SCOC: variants seen among roughly 807,000 people sequenced by gnomAD.
SCOC encodes short coiled coil protein.
In SCOC, 7 loss-of-function variants were observed where a neutral mutation model predicts 9.9. That is an observed-to-expected ratio of 0.71 (90% CI 0.40 to 1.33). The LOEUF (loss-of-function observed/expected upper bound fraction) is 1.33. SCOC is among the 40% of genes most tolerant of loss of function. The pLI, the probability that SCOC is intolerant of heterozygous loss-of-function variation, is 0.01. For missense variants in SCOC, 66 were observed against 89.7 expected (o/e 0.74, Z 1.07); for synonymous variants, 19 against 28.2 (o/e 0.67, Z 1.03).
At chr4:140,279,666 C>A (rs1731057217) in intron 1 of SCOC, among the ~76,000 whole-genome samples, 2 of 152,212 alleles carry the variant, frequency 1.3e-5, no homozygotes, top group Non-Finnish European at 2.9e-5. Flanking sequence ...CCAGCCTCAT[C>A]CCATGAACTG....
chr4:140,377,177 A>G (rs1350973816), intron 1 of SCOC, among the ~76,000 whole-genome samples: 1 of 152,226 alleles, frequency 6.6e-6, no homozygotes, highest in Non-Finnish European at 1.5e-5. Context: ...GAATGACTGT[A>G]GTACCTGGTT....
intron 2 of SCOC, among the ~76,000 whole-genome samples, chr4:140,349,275 T>A (rs1255008102): frequency 6.6e-6 from 1 of 152,196 alleles, no homozygotes; most frequent in Admixed American, 6.5e-5. Context: ...TCTGGTTAAC[T>A]ATTGTCATGG....
upstream of SCOC, among the ~76,000 whole-genome samples, chr4:140,371,529 GA>G (rs1728055033): frequency 6.6e-6 from 1 of 151,920 alleles, no homozygotes; most frequent in South Asian, 2.1e-4. Flanking sequence ...TATATCCCAC[GA>G]ACAGTTACTA....
chr4:140,280,633 G>T (rs945955834), intron 1 of SCOC, among the ~76,000 whole-genome samples: 1 of 152,158 alleles, frequency 6.6e-6, no homozygotes, highest in African/African-American at 2.4e-5. Context: ...TGTTGGTAAG[G>T]CAGATGTTTG....
chr4:140,355,677 T>C (rs1727197457), intron 2 of SCOC, among the ~76,000 whole-genome samples: 2 of 152,296 alleles, frequency 1.3e-5, no homozygotes, highest in East Asian at 1.9e-4. Flanking sequence ...AATGTAATCA[T>C]AGAATCAGAG....
rs1388646612 is a variant in SCOC at position 140,383,764 on chromosome 4, TTCTC to T, written c.*2663_*2666del. On this transcript the variant is annotated 3_prime_UTR_variant, in exon 4 of 4. Transcript: ENST00000608372. ...AAGCTCATGTTTCTGTGGAATACGA[TTCTC>T]TCAAAAACTCAAGCCTTTTTATCAG... 1.3e-5 allele frequency: 2 copies of T among 152,230 alleles called. No individual in the cohort carries two copies. Among genetic ancestry groups the T allele is most frequent in the African/African-American group, 2.4e-5 (1 of 41,462 alleles). The allele number at this position is 152,230 out of a possible 1,614,324, so 9.4% of individuals were successfully genotyped here.
intron 2 of SCOC, 99 bp from the exon 3 acceptor site, chr4:140,379,470 G>T: frequency 1.1e-6 from 1 of 877,320 alleles, no homozygotes; most frequent in Non-Finnish European, 1.8e-6. Flanking sequence ...TATAAGTCAA[G>T]TAAGAATGAA....
intron 1 of SCOC, among the ~76,000 whole-genome samples, chr4:140,282,058 G>T (rs1731111633): frequency 6.6e-6 from 1 of 152,172 alleles, no homozygotes; most frequent in East Asian, 1.9e-4. Flanking sequence ...CATTCCCATG[G>T]CCTTTGGAGG....
At chr4:140,371,066 T>C (rs565029208), upstream of SCOC, among the ~76,000 whole-genome samples, 1 of 152,178 alleles carries the variant, frequency 6.6e-6, no homozygotes, top group South Asian at 2.1e-4. Flanking sequence ...TTTGTATTTT[T>C]AGTAGAGACG....
At chr4:140,280,252 A>T (rs1010645721) in intron 1 of SCOC, among the ~76,000 whole-genome samples, 37 of 152,112 alleles carry the variant, frequency 2.4e-4, no homozygotes, top group African/African-American at 8.7e-4. Flanking sequence ...GAGTAGCTGG[A>T]TTACAGGCAT....
intron 1 of SCOC, among the ~76,000 whole-genome samples, chr4:140,308,880 T>G (rs1732070419): frequency 6.6e-6 from 1 of 152,018 alleles, no homozygotes; most frequent in African/African-American, 2.4e-5. Context: ...AGATGCCCTC[T>G]TTTTTCCCCC....
intron 2 of SCOC, among the ~76,000 whole-genome samples, chr4:140,347,791 T>TA (rs1471619126): frequency 6.6e-6 from 1 of 152,192 alleles, no homozygotes; most frequent in African/African-American, 2.4e-5. Flanking sequence ...ATTCTGTTTT[T>TA]AGTTTATCAA....
intron 1 of SCOC, chr4:140,343,569 G>A: frequency 1.7e-6 from 2 of 1,198,318 alleles, no homozygotes; most frequent in Non-Finnish European, 2.5e-6. Context: ...AACAAGGGCG[G>A]TCACATGGGA....
chr4:140,320,790 T>G (rs1346043182), intron 1 of SCOC, among the ~76,000 whole-genome samples: 1 of 152,184 alleles, frequency 6.6e-6, no homozygotes, highest in African/African-American at 2.4e-5. Flanking sequence ...GGAAACTGAC[T>G]GCAGCTAGGA....
intron 1 of SCOC, among the ~76,000 whole-genome samples, chr4:140,329,312 A>G (rs1732740691): frequency 6.6e-6 from 1 of 152,238 alleles, no homozygotes; most frequent in South Asian, 2.1e-4. Context: ...AGGTGGCTCA[A>G]AGACTTAAAT....
chr4:140,383,534 G>GTTCCTTGATTCAACTATGAT lies in SCOC; in HGVS notation c.*2432_*2451dup, dbSNP rs1728629231. The GTTCCTTGATTCAACTATGAT allele has an allele frequency of 6.6e-6, 1 of 152,226 alleles. No individual in the cohort carries two copies. Among genetic ancestry groups the GTTCCTTGATTCAACTATGAT allele is most frequent in the South Asian group, 2.1e-4 (1 of 4,832 alleles). The allele number at this position is 152,226 out of a possible 1,614,324, so 9.4% of individuals were successfully genotyped here. On this transcript the variant is annotated 3_prime_UTR_variant, in exon 4 of 4. Coordinates refer to ENST00000608372, the MANE Select transcript of SCOC (RefSeq NM_001153484.2). Reference sequence around the variant, plus strand: ...AGATTTTGTCCCTAGCAGTGGAGAAGTTCCTTGATTCAACTATGATTCTGA... The same window carrying GTTCCTTGATTCAACTATGAT: ...AGATTTTGTCCCTAGCAGTGGAGAAGTTCCTTGATTCAACTATGATTTCCTTGATTCAACTATGATTCTGA...
intron 1 of SCOC, among the ~76,000 whole-genome samples, chr4:140,291,199 T>A (rs1164085335): frequency 1.3e-5 from 2 of 152,152 alleles, no homozygotes; most frequent in African/African-American, 4.8e-5. Context: ...AGTCTCCCAA[T>A]ATTCTTAAGT....
intron 1 of SCOC, among the ~76,000 whole-genome samples, chr4:140,298,761 G>A (rs1488909298): frequency 6.6e-6 from 1 of 152,174 alleles, no homozygotes; most frequent in African/African-American, 2.4e-5. Context: ...CCAAGGGATG[G>A]AAGATAAAAG....
intron 1 of SCOC, chr4:140,293,293 G>T (rs1371167765): frequency 2.2e-6 from 1 of 456,588 alleles, no homozygotes; most frequent in Non-Finnish European, 4.4e-6. Flanking sequence ...GTCAGGGAGG[G>T]TCTGAGTAAC....
Sources: gnomAD v4.1 joint callset for allele counts (sites outside exome capture counted in the v4.1 genomes callset) on GRCh38, gnomAD v4.1.1 for gene constraint, MANE v1.5 for transcripts, NCBI Gene and HGNC (gene_info 2026-07-23, HGNC 2026-07-21) for gene names.